The following DNTT variants were observed in gnomAD, a reference collection of about 807,000 sequenced individuals.
DNTT encodes DNA nucleotidylexotransferase, also known as nucleosidetriphosphate:DNA deoxynucleotidylexotransferase.
In DNTT, 47 loss-of-function variants were observed where a neutral mutation model predicts 60.9. The observed-to-expected ratio is 0.77, with a 90% CI of 0.61 to 0.98. DNTT has a LOEUF of 0.98. Ranked by LOEUF, DNTT falls within the 50% of genes least tolerant of loss-of-function variation. The probability of loss-of-function intolerance (pLI) is 0.00; values close to 1 mark genes in which losing one functional copy is unlikely to be tolerated. For synonymous variants in DNTT, 224 were observed against 221.2 expected (o/e 1.01, Z -0.11); for missense variants, 665 against 627.5 (o/e 1.06, Z -0.64).
In DNTT at chr10:96,304,529, C is replaced by T. The variant is rs760244560; in HGVS notation, c.32C>T (p.Pro11Leu). Reference protein sequence around the residue: MDPPRASHLSPRKKRPRQTGA... With the variant: MDPPRASHLSLRKKRPRQTGA... ...CCACCACGAGCGTCCCACTTGAGCCCTCGGAAGAAGAGACCCCGGCAGACG... is the reference window on the plus strand; with the variant it reads ...CCACCACGAGCGTCCCACTTGAGCCTTCGGAAGAAGAGACCCCGGCAGACG... Residue 11 changes from proline (P) to leucine (L), a missense_variant, in exon 1 of 11, where the codon CCT becomes CTT. Transcript: ENST00000371174. 3 of 1,614,004 alleles carry T rather than the reference C, an allele frequency of 1.9e-6. No individual in the cohort carries two copies. In the South Asian group the frequency reaches 3.3e-5, roughly 18 times the overall value.
At chr10:96,327,120 A>G (rs1844945837) in intron 6 of DNTT, among the ~76,000 whole-genome samples, 1 of 152,190 alleles carries the variant, frequency 6.6e-6, no homozygotes, top group Admixed American at 6.5e-5. Context: ...CCAAATCTTT[A>G]TGCGTTACCT....
At chr10:96,308,477 G>C (rs1211037170) in intron 1 of DNTT, among the ~76,000 whole-genome samples, 2 of 152,156 alleles carry the variant, frequency 1.3e-5, no homozygotes, top group Non-Finnish European at 2.9e-5. Context: ...GGTCAAGCTG[G>C]AGAAGGATCA....
intron 4 of DNTT, 52 bp from the exon 5 acceptor site, chr10:96,322,605 A>G: frequency 6.9e-7 from 1 of 1,457,110 alleles, no homozygotes. Flanking sequence ...AGAGTCTTAG[A>G]CAGTAATTGT....
chr10:96,327,465 C>T lies in DNTT; in HGVS notation c.875-3C>T, dbSNP rs1564873681. Reference sequence around the variant, plus strand: ...TCCATTGACCTGTCAAATGGCCTCTCAGGATTTCTGTATTATGAAGACCTT... The same window carrying T: ...TCCATTGACCTGTCAAATGGCCTCTTAGGATTTCTGTATTATGAAGACCTT... On this transcript the variant is annotated splice_region_variant and splice_polypyrimidine_tract_variant and intron_variant, in intron 6 of 10. Transcript: ENST00000371174. 6.2e-7 allele frequency: 1 copy of T among 1,613,936 alleles called. No homozygotes were observed. The highest frequency in any genetic ancestry group is 8.5e-7 in the Non-Finnish European group (1 of 1,179,948).
intron 1 of DNTT, among the ~76,000 whole-genome samples, chr10:96,312,428 T>G (rs962556175): frequency 6.6e-6 from 1 of 152,146 alleles, no homozygotes; most frequent in African/African-American, 2.4e-5. Flanking sequence ...CAGAGCCTCA[T>G]GTAAGACATT....
intron 1 of DNTT, among the ~76,000 whole-genome samples, chr10:96,316,491 G>C (rs1273060008): frequency 1.3e-5 from 2 of 152,126 alleles, no homozygotes; most frequent in East Asian, 3.8e-4. Flanking sequence ...CACAACCCCA[G>C]AAAATAAGAT....
In DNTT at chr10:96,337,516, T is replaced by TTACAAATTAA. The variant is rs1364788891; in HGVS notation, c.1444-617_1444-608dup. 9.2e-5 allele frequency among the ~76,000 whole-genome samples: 14 copies of TTACAAATTAA among 152,346 alleles called. No individual in the cohort carries two copies. The East Asian group carries it at 2.7e-3, about 29-fold the overall frequency. ...TTCACATAGTACAATGAAGGAACAC[T>TTACAAATTAA]TACAAATTAATACATTCTAAATAGT... On this transcript the variant is annotated intron_variant, in intron 10 of 10. Transcript: ENST00000371174.
chr10:96,304,580 A>C lies in DNTT; in HGVS notation c.83A>C (p.Gln28Pro), dbSNP rs760325229. Reference sequence around the variant, plus strand: ...GGTGCCTTGATGGCCTCCTCTCCTCAAGACATCAAATTTCAAGATTTGGTC... The same window carrying C: ...GGTGCCTTGATGGCCTCCTCTCCTCCAGACATCAAATTTCAAGATTTGGTC... Reference protein sequence around the residue: ...QTGALMASSPQDIKFQDLVVF... With the variant: ...QTGALMASSPPDIKFQDLVVF... Residue 28 changes from glutamine (Q) to proline (P), a missense_variant, in exon 1 of 11, where the codon CAA becomes CCA. Gln to Pro is a moderately conservative substitution (Grantham distance 76, BLOSUM62 -1). Transcript: ENST00000371174. The C allele has an allele frequency of 2.5e-6, 4 of 1,614,138 alleles. No individual in the cohort carries two copies. In the South Asian group the frequency reaches 3.3e-5, roughly 13 times the overall value.
intron 1 of DNTT, among the ~76,000 whole-genome samples, chr10:96,317,575 A>T (rs1332321552): frequency 1.3e-5 from 2 of 152,152 alleles, no homozygotes; most frequent in Non-Finnish European, 2.9e-5. Context: ...CAAAGCGATG[A>T]TATTAGAAGG....
intron 1 of DNTT, among the ~76,000 whole-genome samples, chr10:96,311,742 C>G (rs1379414602): frequency 1.3e-5 from 2 of 152,242 alleles, no homozygotes; most frequent in Admixed American, 1.3e-4. Context: ...CTCCTGGGTT[C>G]AAGCGATTCT....
intron 2 of DNTT, 85 bp downstream of exon 2, chr10:96,318,611 C>T: frequency 6.7e-7 from 1 of 1,491,722 alleles, no homozygotes; most frequent in South Asian, 1.4e-5. Flanking sequence ...GGGGTAAACC[C>T]TAAATTCTCT....
In DNTT at chr10:96,319,344, C is replaced by T. The variant is rs1377933772; in HGVS notation, c.461C>T (p.Ala154Val). ...GCTGTACAAAAGATCTCCCAGTATG[C>T]GTGTCAGAGAAGAACCACTTTAAAC... ...PIAVQKISQY[A>V]CQRRTTLNNC... is the part of the protein sequence containing the mutation. The change falls in exon 3 of 11, where the codon GCG (alanine) becomes GTG (valine). Residue 154 changes from alanine (A) to valine (V), a missense_variant. Ala to Val is a moderately conservative substitution (Grantham distance 64). Transcript: ENST00000371174. 2.5e-6 allele frequency: 4 copies of T among 1,613,710 alleles called. No individual in the cohort carries two copies. Among genetic ancestry groups the T allele is most frequent in the South Asian group, 1.1e-5 (1 of 91,058 alleles).
chr10:96,313,752 C>A (rs1011213962), intron 1 of DNTT, among the ~76,000 whole-genome samples: 1 of 152,202 alleles, frequency 6.6e-6, no homozygotes, highest in African/African-American at 2.4e-5. Context: ...TTAATAGTGC[C>A]TTGAGCCCCA....
At position 96,320,677 on chromosome 10, in the gene DNTT, G is replaced by A; in HGVS notation, c.567G>A (p.Val189=). ...TTAGAGAAAATGAAGACTCCTGTGT[G>A]ACATTTATGAGAGCAGCTTCTGTAT... ...CEFRENEDSC[V]TFMRAASVLK... The change falls in exon 4 of 11, where the codon GTG becomes GTA. Residue 189 remains valine (V), a synonymous_variant. Coordinates refer to ENST00000371174, the MANE Select transcript of DNTT (RefSeq NM_004088.4). 6.2e-7 allele frequency: 1 copy of A among 1,613,866 alleles called. No individual in the cohort carries two copies. Among genetic ancestry groups the A allele is most frequent in the Non-Finnish European group, 8.5e-7 (1 of 1,179,834 alleles).
At chr10:96,314,567 C>T (rs1161250386) in intron 1 of DNTT, among the ~76,000 whole-genome samples, 2 of 150,482 alleles carry the variant, frequency 1.3e-5, no homozygotes, top group Admixed American at 6.6e-5. Context: ...CGCGTTCCAC[C>T]ACGCCCAGCT....
At chr10:96,316,726 C>G (rs962707444) in intron 1 of DNTT, among the ~76,000 whole-genome samples, 7 of 152,228 alleles carry the variant, frequency 4.6e-5, no homozygotes, top group African/African-American at 1.7e-4. Flanking sequence ...CACCAACCAG[C>G]TGCCTCTCCC....
chr10:96,326,885 TC>T (rs1844943817), intron 6 of DNTT, among the ~76,000 whole-genome samples: 1 of 152,196 alleles, frequency 6.6e-6, no homozygotes, highest in African/African-American at 2.4e-5. Context: ...CTTTCCTCTT[TC>T]TTTCCAAATC....
intron 8 of DNTT, 139 bp downstream of exon 8, chr10:96,328,969 T>A (rs1844972920): frequency 2.4e-6 from 2 of 821,066 alleles, no homozygotes. Flanking sequence ...CAAAGCCATA[T>A]GACCTACAAT....
chr10:96,307,705 GTATATATA>G lies in DNTT; in HGVS notation c.203+3026_203+3033del, dbSNP rs1203030676. ...TATATATGTATGTGTGTGTGTGTGT[GTATATATA>G]TATATATATATATATATATAAGCAT... On this transcript the variant is annotated intron_variant, in intron 1 of 10. Transcript: ENST00000371174. Among the ~76,000 whole-genome samples the G allele has an allele frequency of 7.3e-3, 384 of 52,886 alleles. 6 individuals carry two copies. Among genetic ancestry groups the G allele is most frequent in the African/African-American group, 0.024 (367 of 15,108 alleles). The allele number at this position is 52,886 out of a possible 152,430, so 34.7% of individuals were successfully genotyped here.
Sources: allele counts gnomAD v4.1 joint callset (sites outside exome capture counted in the v4.1 genomes callset), GRCh38; gene constraint gnomAD v4.1.1; transcripts MANE v1.5; gene names NCBI Gene and HGNC (gene_info 2026-07-23, HGNC 2026-07-21).